Variants in NAV3 observed in about 807,000 individuals in gnomAD.
NAV3 encodes the protein neuron navigator 3.
A neutral mutation model predicts 244.7 loss-of-function variants in NAV3; 87 were observed. The ratio of observed to expected loss-of-function variants is 0.36; its 90% CI spans 0.30 to 0.42. The LOEUF is 0.42. Among genes scored for constraint, NAV3 ranks in the 20% least tolerant of loss-of-function variants. The pLI, the probability that NAV3 is intolerant of heterozygous loss-of-function variation, is 1.00. For missense variants in NAV3, 2,663 were observed against 2,893.3 expected (o/e 0.92, Z 1.83); for synonymous variants, 1,126 against 1,042.2 (o/e 1.08, Z -1.55).
chr12:78,078,901 A>G (rs1953206378), intron 12 of NAV3, among the ~76,000 whole-genome samples: 1 of 152,228 alleles, frequency 6.6e-6, no homozygotes, highest in Non-Finnish European at 1.5e-5. Context: ...AGAGAGAAGT[A>G]TTTAGAAAAA....
intron 12 of NAV3, among the ~76,000 whole-genome samples, chr12:78,094,129 C>T (rs970916841): frequency 6.6e-6 from 1 of 152,178 alleles, no homozygotes; most frequent in African/African-American, 2.4e-5. Flanking sequence ...CATGCACCAC[C>T]ATGTCTGACC....
chr12:78,038,908 G>A (rs1289737650), intron 9 of NAV3, among the ~76,000 whole-genome samples: 1 of 152,142 alleles, frequency 6.6e-6, no homozygotes, highest in Non-Finnish European at 1.5e-5. Flanking sequence ...ATAGCATGCT[G>A]TGGGTGGGTG....
rs1253726398 is a variant in NAV3 at position 77,621,475 on chromosome 12, C to CT, written c.72+49210dup. ...GAACTCTACCTCTTTTTTTTCTCTTCTCTTTTTTTTTTTTTTTTGCTTTGA... is the reference window on the plus strand; with the variant it reads ...GAACTCTACCTCTTTTTTTTCTCTTCTTCTTTTTTTTTTTTTTTTGCTTTGA... On this transcript the variant is annotated intron_variant, in intron 2 of 8. Transcript: ENST00000550042. Among the ~76,000 whole-genome samples the CT allele has an allele frequency of 2.9e-3, 412 of 142,030 alleles. 5 individuals are homozygous for CT. Among genetic ancestry groups the CT allele is most frequent in the African/African-American group, 8.2e-3 (294 of 35,842 alleles). The allele number at this position is 142,030 out of a possible 152,430, so 93.2% of individuals were successfully genotyped here. A position where few individuals can be genotyped will look rare whatever the true frequency, so the allele number is the denominator to read the frequency against.
chr12:77,845,308 T>C (rs945376366), intron 1 of NAV3, among the ~76,000 whole-genome samples: 2 of 152,214 alleles, frequency 1.3e-5, no homozygotes, highest in African/African-American at 4.8e-5. Flanking sequence ...TGGGGCTCAG[T>C]GCAGTCTGGC....
At chr12:77,942,153 A>C (rs1246910253) in intron 3 of NAV3, among the ~76,000 whole-genome samples, 3 of 152,186 alleles carry the variant, frequency 2.0e-5, no homozygotes, top group Non-Finnish European at 4.4e-5. Context: ...CGGGTGGATG[A>C]CCTGAGGTCG....
At chr12:78,042,935 T>A (rs7976447) in intron 9 of NAV3, among the ~76,000 whole-genome samples, 20,887 of 112,706 alleles carry the variant, frequency 0.19, 1,560 homozygotes, top group Middle Eastern at 0.24. Flanking sequence ...ATGATCATAG[T>A]TTTTTTTTTT....
chr12:77,985,278 G>T (rs900835213), intron 5 of NAV3, among the ~76,000 whole-genome samples: 3 of 152,122 alleles, frequency 2.0e-5, no homozygotes, highest in Non-Finnish European at 4.4e-5. Flanking sequence ...TCTTTTCAAT[G>T]ATTAATTAAT....
At chr12:77,719,791 G>A (rs1463604230) in intron 2 of NAV3, among the ~76,000 whole-genome samples, 1 of 152,048 alleles carries the variant, frequency 6.6e-6, no homozygotes, top group East Asian at 1.9e-4. Flanking sequence ...CTTGGTATCA[G>A]GGTAATACTG....
intron 18 of NAV3, chr12:78,131,073 A>C (rs300469): frequency 0.053 from 8,119 of 152,476 alleles, 274 homozygotes; most frequent in Non-Finnish European, 0.073. Context: ...CTGGGCCCTG[A>C]GGGTTCCAAG....
intron 2 of NAV3, among the ~76,000 whole-genome samples, chr12:77,806,325 A>C (rs1228118276): frequency 6.6e-6 from 1 of 152,112 alleles, no homozygotes; most frequent in African/African-American, 2.4e-5. Flanking sequence ...TCCCCTCTAA[A>C]CACTGCTTTA....
At chr12:78,000,103 T>C (rs989287695) in intron 7 of NAV3, among the ~76,000 whole-genome samples, 3 of 152,236 alleles carry the variant, frequency 2.0e-5, no homozygotes, top group African/African-American at 7.2e-5. Flanking sequence ...ATTTCTGGCA[T>C]CTATTAGTAA....
At chr12:78,025,746 CCCA>C (rs2136886118) in intron 9 of NAV3, among the ~76,000 whole-genome samples, 1 of 151,990 alleles carries the variant, frequency 6.6e-6, no homozygotes, top group African/African-American at 2.4e-5. Context: ...ACTGTTAGGT[CCCA>C]CACAAACTGG....
intron 39 of NAV3, among the ~76,000 whole-genome samples, chr12:78,207,926 C>A (rs896012536): frequency 6.6e-6 from 1 of 152,048 alleles, no homozygotes; most frequent in Non-Finnish European, 1.5e-5. Context: ...GGAAGCTTAG[C>A]AGATTAGATG....
intron 2 of NAV3, among the ~76,000 whole-genome samples, chr12:77,764,244 T>C (rs1005307005): frequency 3.9e-5 from 6 of 152,236 alleles, no homozygotes; most frequent in Admixed American, 6.5e-5. Context: ...CTGCATTGTT[T>C]ATGTGTTTAT....
At chr12:77,733,478 C>A (rs1489438263) in intron 2 of NAV3, among the ~76,000 whole-genome samples, 1 of 151,936 alleles carries the variant, frequency 6.6e-6, no homozygotes, top group African/African-American at 2.4e-5. Flanking sequence ...CTTTATTGAT[C>A]TGGCTTTGGG....
chr12:78,059,728 C>A (rs1188260439), intron 12 of NAV3, among the ~76,000 whole-genome samples: 1 of 151,894 alleles, frequency 6.6e-6, no homozygotes, highest in African/African-American at 2.4e-5. Flanking sequence ...TCTATAAAAG[C>A]AGAATTATAA....
At chr12:77,652,107 C>T (rs1254571319) in intron 2 of NAV3, among the ~76,000 whole-genome samples, 1 of 152,190 alleles carries the variant, frequency 6.6e-6, no homozygotes. Flanking sequence ...AATTGTAATA[C>T]TACTACCACC....
At chr12:77,587,703 G>T (rs1408031166) in intron 2 of NAV3, among the ~76,000 whole-genome samples, 1 of 152,194 alleles carries the variant, frequency 6.6e-6, no homozygotes, top group Non-Finnish European at 1.5e-5. Context: ...CATTAAGAAT[G>T]AAAGATTAGC....
intron 23 of NAV3, among the ~76,000 whole-genome samples, chr12:78,162,886 TATATA>T (rs1261137834): frequency 7.8e-6 from 1 of 128,816 alleles, no homozygotes; most frequent in African/African-American, 2.7e-5. Context: ...ATATATAATA[TATATA>T]ATATATATAT....
Sources: gnomAD v4.1 joint callset for allele counts (sites outside exome capture counted in the v4.1 genomes callset) on GRCh38, gnomAD v4.1.1 for gene constraint, MANE v1.5 for transcripts, NCBI Gene and HGNC (gene_info 2026-07-23, HGNC 2026-07-21) for gene names.